The following DISP1 variants were observed in gnomAD, a reference collection of about 807,000 sequenced individuals.
DISP1 encodes the protein dispatched RND transporter family member 1, also known as protein dispatched homolog 1.
In DISP1, 30 loss-of-function variants were observed where a neutral mutation model predicts 37.3. The ratio of observed to expected loss-of-function variants is 0.80; its 90% confidence interval spans 0.60 to 1.09. The LOEUF is 1.09. Ranked by LOEUF, DISP1 falls within the 50% of genes least tolerant of loss-of-function variation. The pLI is 0.00. For synonymous variants in DISP1, 634 were observed against 690.2 expected, an observed-to-expected ratio of 0.92 and a Z score of 1.28; for missense variants, 1,598 against 1,879.5, an observed-to-expected ratio of 0.85 and a Z score of 2.77.
At chr1:222,836,348 A>G (rs1040071360) in intron 1 of DISP1, among the ~76,000 whole-genome samples, 27 of 152,222 alleles carry the variant, frequency 1.8e-4, no homozygotes, top group African/African-American at 1.2e-4. Flanking sequence ...TGTGTGACCA[A>G]ACTTTAATAT....
In DISP1 at chr1:222,948,544, A is replaced by C. The variant is rs965095509; in HGVS notation, c.509+5212A>C. Among the ~76,000 whole-genome samples the C allele has an allele frequency of 2.0e-5, 3 of 152,320 alleles. No individual in the cohort carries two copies. The East Asian group carries it at 5.8e-4, about 29-fold the overall frequency. ...GATTATTCTACGCAACTCTTTCAGGAACTTACTGTAACAAAGGTTCTAGAG... is the reference window on the plus strand; with the variant it reads ...GATTATTCTACGCAACTCTTTCAGGCACTTACTGTAACAAAGGTTCTAGAG... On this transcript the variant is annotated intron_variant, in intron 3 of 8. Transcript: ENST00000675850.
At chr1:222,962,851 T>G (rs556985070) in intron 3 of DISP1, among the ~76,000 whole-genome samples, 2 of 152,296 alleles carry the variant, frequency 1.3e-5, no homozygotes, top group South Asian at 4.1e-4. Context: ...GGCAGTACCA[T>G]TCAGGACATA....
chr1:222,952,233 T>C (rs548881855), intron 3 of DISP1, among the ~76,000 whole-genome samples: 1 of 152,292 alleles, frequency 6.6e-6, no homozygotes, highest in African/African-American at 2.4e-5. Flanking sequence ...AAAATTTGGT[T>C]ATTTGGTTAC....
chr1:222,936,771 T>C (rs1673809376), intron 2 of DISP1, among the ~76,000 whole-genome samples: 1 of 70,324 alleles, frequency 1.4e-5, no homozygotes, highest in Non-Finnish European at 2.8e-5. Context: ...ATAAAAATTA[T>C]ATATATCATA....
At chr1:222,927,109 ATT>A (rs112368421) in intron 1 of DISP1, among the ~76,000 whole-genome samples, 38 of 138,402 alleles carry the variant, frequency 2.7e-4, no homozygotes, top group East Asian at 4.2e-4. Context: ...TTACCAAGCT[ATT>A]TTTTTTTTTT....
intron 1 of DISP1, among the ~76,000 whole-genome samples, chr1:222,885,906 T>G (rs1465027333): frequency 6.6e-6 from 1 of 152,040 alleles, no homozygotes; most frequent in Non-Finnish European, 1.5e-5. Flanking sequence ...ACACACGGAC[T>G]AGTATTTTCT....
At chr1:222,958,367 A>G (rs1385824466) in intron 3 of DISP1, among the ~76,000 whole-genome samples, 1 of 152,250 alleles carries the variant, frequency 6.6e-6, no homozygotes, top group Non-Finnish European at 1.5e-5. Context: ...AAAGTAAAAG[A>G]CAGCAAAGAA....
Position 222,920,892 on chromosome 1 carries a change from T to A in DISP1, c.-158-7538T>A, listed in dbSNP as rs557785898. Among the ~76,000 whole-genome samples, 7 of 152,304 alleles carry A rather than the reference T, an allele frequency of 4.6e-5. 1 individual carries two copies. In the Middle Eastern group the frequency reaches 0.02, roughly 444 times the overall value. On this transcript the variant is annotated intron_variant, in intron 1 of 8. Transcript: ENST00000675850. ...GACCAAAATGCTTTCTGTATAGTGA[T>A]AAAATGCATACGGTTTTCTAGTCTA... is the stretch of plus-strand genomic sequence containing the variant.
chr1:222,956,859 T>G (rs1675637170), intron 3 of DISP1, among the ~76,000 whole-genome samples: 1 of 152,102 alleles, frequency 6.6e-6, no homozygotes, highest in African/African-American at 2.4e-5. Context: ...GAAAACTATA[T>G]ATTATACTCT....
chr1:222,891,078 G>A (rs1056547505), intron 1 of DISP1, among the ~76,000 whole-genome samples: 5 of 152,098 alleles, frequency 3.3e-5, no homozygotes, highest in East Asian at 1.9e-4. Context: ...AATCCAACCC[G>A]TAATACCAGG....
chr1:222,925,991 C>T (rs551961728), intron 1 of DISP1, among the ~76,000 whole-genome samples: 127 of 152,276 alleles, frequency 8.3e-4, no homozygotes, highest in African/African-American at 2.8e-3. Context: ...AGTGTATTCA[C>T]AGGACTGTGC....
intron 7 of DISP1, among the ~76,000 whole-genome samples, chr1:222,993,386 G>A (rs535700389): frequency 9.9e-4 from 151 of 152,298 alleles, no homozygotes; most frequent in African/African-American, 3.5e-3. Flanking sequence ...TTAATTAAGT[G>A]AATATTAACA....
chr1:222,828,960 G>T (rs1665081220), intron 1 of DISP1, among the ~76,000 whole-genome samples: 1 of 152,160 alleles, frequency 6.6e-6, no homozygotes, highest in African/African-American at 2.4e-5. Context: ...TTGAACATGT[G>T]GGCTGGGGGA....
In DISP1 at chr1:223,004,076, T is replaced by C. The variant is rs1192136901; in HGVS notation, c.2679T>C (p.Ala893=). Reference sequence around the variant, plus strand: ...TTTTTGAACTGTGCATCAAGAGAGCTATCATGGAGCTGGAAAGGAGTACAG... The same window carrying C: ...TTTTTGAACTGTGCATCAAGAGAGCCATCATGGAGCTGGAAAGGAGTACAG... ...QEIFELCIKR[A]IMELERSTGY... is the part of the protein sequence containing the mutation. The change falls in exon 9 of 9, where the codon GCT becomes GCC. Residue 893 remains alanine (A), a synonymous_variant. Transcript: ENST00000675850. This position sits in a 1 kb window ranked among gnomAD's most constrained non-coding sequence, Gnocchi z 4.9. The C allele has an allele frequency of 3.1e-6, 5 of 1,614,006 alleles. No individual in the cohort carries two copies. The highest frequency in any genetic ancestry group is 4.2e-6 in the Non-Finnish European group (5 of 1,180,032).
chr1:222,927,978 A>G (rs2125451900), intron 1 of DISP1, among the ~76,000 whole-genome samples: 1 of 152,348 alleles, frequency 6.6e-6, no homozygotes, highest in East Asian at 1.9e-4. Context: ...ATTTTGTGAA[A>G]GAACACAAGA....
chr1:222,850,587 C>T (rs1312898753), intron 1 of DISP1, among the ~76,000 whole-genome samples: 1 of 152,062 alleles, frequency 6.6e-6, no homozygotes, highest in Admixed American at 6.6e-5. Flanking sequence ...CCCACTCCCT[C>T]CTCCCACTCT....
At chr1:222,986,875 T>C (rs61837507) in intron 4 of DISP1, among the ~76,000 whole-genome samples, 16,871 of 152,100 alleles carry the variant, frequency 0.11, 990 homozygotes, top group East Asian at 0.28. Context: ...TGGGCCACAT[T>C]TACAGTTATA....
At chr1:222,819,085 T>C (rs1662039352) in intron 1 of DISP1, among the ~76,000 whole-genome samples, 1 of 152,204 alleles carries the variant, frequency 6.6e-6, no homozygotes, top group African/African-American at 2.4e-5. Flanking sequence ...ACCATCCCTC[T>C]AGTGTTGTCT....
chr1:222,863,192 C>T (rs1218337136), intron 1 of DISP1, among the ~76,000 whole-genome samples: 1 of 152,002 alleles, frequency 6.6e-6, no homozygotes, highest in Non-Finnish European at 1.5e-5. Flanking sequence ...CAGGGTATTT[C>T]CACTGTAAAG....
Sources: gnomAD v4.1 joint callset for allele counts (sites outside exome capture counted in the v4.1 genomes callset) on GRCh38, gnomAD v4.1.1 for gene constraint, Gnocchi (gnomAD v3.1) non-coding constraint, MANE v1.5 for transcripts, NCBI Gene and HGNC (gene_info 2026-07-23, HGNC 2026-07-21) for gene names.